CDH19: variants seen among roughly 807,000 people sequenced by gnomAD.
CDH19 encodes the protein cadherin 19.
CDH19 carries 67 observed loss-of-function variants against 64.2 expected under a neutral mutation model. The observed-to-expected ratio is 1.04, with a 90% CI of 0.86 to 1.28. The LOEUF (loss-of-function observed/expected upper bound fraction) is 1.28, where lower values mean the gene tolerates loss of function less well. Among genes scored for constraint, CDH19 ranks in the 50% most tolerant of loss-of-function variants. CDH19 has a pLI of 0.00. For synonymous variants in CDH19, 346 were observed against 319.3 expected (o/e 1.08, Z -0.89); for missense variants, 1,030 against 929.0 (o/e 1.11, Z -1.41).
intron 10 of CDH19, among the ~76,000 whole-genome samples, 153 bp downstream of exon 10, chr18:66,511,415 T>G (rs985645634): frequency 4.6e-5 from 7 of 151,696 alleles, no homozygotes; most frequent in Non-Finnish European, 4.4e-5. Context: ...TAACATTGAG[T>G]TTTGTTTTCC....
In CDH19 at chr18:66,505,292, A is replaced by T; in HGVS notation, c.1839T>A (p.Phe613Leu). ...ICIMIIFGFI[F>L]LTLGLKQRRK... Reference sequence around the variant, plus strand: ...TCCGTTGTTTTAAACCCAAAGTCAAAAAAATAAACCCTGATGAAGAAAGCA... The same window carrying T: ...TCCGTTGTTTTAAACCCAAAGTCAATAAAATAAACCCTGATGAAGAAAGCA... Residue 613 changes from phenylalanine (F) to leucine (L), a missense_variant, in exon 12 of 12, where the codon TTT becomes TTA. By Grantham distance (22) the Phe-to-Leu change is conservative. Transcript: ENST00000262150. The T allele has an allele frequency of 6.4e-7, 1 of 1,555,732 alleles. No individual in the cohort carries two copies. The highest frequency in any genetic ancestry group is 8.6e-7 in the Non-Finnish European group (1 of 1,157,462).
At position 66,503,997 on chromosome 18, in the gene CDH19, T is replaced by G. The variant is rs989091848; in HGVS notation, c.*815A>C. The G allele has an allele frequency of 5.9e-5, 9 of 152,094 alleles. No individual in the cohort carries two copies. The highest frequency in any genetic ancestry group is 1.7e-4 in the African/African-American group (7 of 41,558). The allele number at this position is 152,094 out of a possible 1,614,324, so 9.4% of individuals were successfully genotyped here. A position where few individuals can be genotyped will look rare whatever the true frequency, so the allele number is the denominator to read the frequency against. ...ACTTAACCACAAAAACATTTTATTC[T>G]TACAGTGTGAAAGATGAAAATTGAG... On this transcript the variant is annotated 3_prime_UTR_variant, in exon 12 of 12. Coordinates refer to ENST00000262150, the MANE Select transcript of CDH19 (RefSeq NM_021153.4).
intron 1 of CDH19, among the ~76,000 whole-genome samples, chr18:66,588,983 T>G (rs950239497): frequency 6.6e-6 from 1 of 151,706 alleles, no homozygotes; most frequent in East Asian, 1.9e-4. Context: ...AGAAAAAATT[T>G]AAAAAGTAAA....
chr18:66,555,213 T>C lies in CDH19; in HGVS notation c.491-689A>G, dbSNP rs140065290. 3.3e-4 allele frequency among the ~76,000 whole-genome samples: 50 copies of C among 151,942 alleles called. No homozygotes were observed. The East Asian group carries it at 8.7e-3, about 26-fold the overall frequency. On this transcript the variant is annotated intron_variant, in intron 3 of 11. Coordinates refer to ENST00000262150, the MANE Select transcript of CDH19 (RefSeq NM_021153.4). Reference sequence around the variant, plus strand: ...TTTTTAAAATATTTATTCAAAAATATTGAGTTTTCAAAGTATCTTTCTGTA... The same window carrying C: ...TTTTTAAAATATTTATTCAAAAATACTGAGTTTTCAAAGTATCTTTCTGTA...
At chr18:66,547,997 T>C (rs1235091015) in intron 5 of CDH19, among the ~76,000 whole-genome samples, 1 of 147,842 alleles carries the variant, frequency 6.8e-6, no homozygotes, top group East Asian at 1.9e-4. Flanking sequence ...TATATGTGTA[T>C]TATATATGTA....
intron 1 of CDH19, among the ~76,000 whole-genome samples, chr18:66,575,131 A>C (rs1226981153): frequency 2.0e-5 from 3 of 151,816 alleles, no homozygotes; most frequent in African/African-American, 7.2e-5. Context: ...ATGGAACAGC[A>C]CTCTAATTCA....
chr18:66,581,838 T>C (rs1228647019), intron 1 of CDH19, among the ~76,000 whole-genome samples: 1 of 152,098 alleles, frequency 6.6e-6, no homozygotes, highest in Non-Finnish European at 1.5e-5. Flanking sequence ...ATTCTCCTAA[T>C]AAACTCCCTT....
intron 1 of CDH19, among the ~76,000 whole-genome samples, chr18:66,579,859 T>C (rs537556331): frequency 3.3e-5 from 5 of 152,156 alleles, no homozygotes; most frequent in Admixed American, 6.6e-5. Flanking sequence ...TTTCTTGTTA[T>C]ATAAAAACAC....
In CDH19 at chr18:66,591,155, T is replaced by C. The variant is rs538291940; in HGVS notation, c.-113+12799A>G. On this transcript the variant is annotated intron_variant, in intron 1 of 11. Transcript: ENST00000262150. ...CAGCTGCAAGACGATTTAATAAATGTAACCTCTAGATCTTCTGGATAAATC... is the reference window on the plus strand; with the variant it reads ...CAGCTGCAAGACGATTTAATAAATGCAACCTCTAGATCTTCTGGATAAATC... Among the ~76,000 whole-genome samples, 200 of 152,064 alleles carry C rather than the reference T, an allele frequency of 1.3e-3. 1 individual carries two copies. Among genetic ancestry groups the C allele is most frequent in the African/African-American group, 4.3e-3 (180 of 41,556 alleles).
chr18:66,505,097 G>C lies in CDH19; in HGVS notation c.2034C>G (p.Ile678Met). The C allele has an allele frequency of 6.2e-7, 1 of 1,613,656 alleles. No individual in the cohort carries two copies. The highest frequency in any genetic ancestry group is 8.5e-7 in the Non-Finnish European group (1 of 1,179,762). Residue 678 changes from isoleucine to methionine, a missense_variant, in exon 12 of 12, where the codon ATC (isoleucine) becomes ATG (methionine). Ile to Met is a conservative substitution (Grantham distance 10). Coordinates refer to ENST00000262150, the MANE Select transcript of CDH19 (RefSeq NM_021153.4). Reference sequence around the variant, plus strand: ...GCAAAGACTGCCTGTATAGGCTCCTGATCTCAGCGCTTGTGGTTTTCCGAG... The same window carrying C: ...GCAAAGACTGCCTGTATAGGCTCCTCATCTCAGCGCTTGTGGTTTTCCGAG... Reference protein sequence around the residue: ...RKTRKTTSAEIRSLYRQSLQV... With the variant: ...RKTRKTTSAEMRSLYRQSLQV...
rs185337743 is a variant in CDH19 at position 66,530,876 on chromosome 18, A to C, written c.1337-910T>G. 2.6e-5 allele frequency among the ~76,000 whole-genome samples: 4 copies of C among 152,184 alleles called. No homozygotes were observed. The East Asian group carries it at 7.7e-4, about 29-fold the overall frequency. ...CCCTCCCATCCCAGTGTGTCAATCC[A>C]AACTGTATTCAGACATTGTCAATGT... is the stretch of plus-strand genomic sequence containing the variant. On this transcript the variant is annotated intron_variant, in intron 8 of 11. Coordinates refer to ENST00000262150, the MANE Select transcript of CDH19 (RefSeq NM_021153.4).
chr18:66,597,461 T>A (rs1485053893), intron 1 of CDH19, among the ~76,000 whole-genome samples: 2 of 152,008 alleles, frequency 1.3e-5, no homozygotes. Context: ...TCAGTACAGA[T>A]TAAATACTTA....
chr18:66,557,059 C>T (rs1055621513), intron 3 of CDH19, among the ~76,000 whole-genome samples: 1 of 151,940 alleles, frequency 6.6e-6, no homozygotes, highest in African/African-American at 2.4e-5. Context: ...AATCCCACTA[C>T]TGGGTATTTA....
chr18:66,560,663 T>C (rs1332410985), intron 3 of CDH19, among the ~76,000 whole-genome samples: 1 of 152,054 alleles, frequency 6.6e-6, no homozygotes, highest in Non-Finnish European at 1.5e-5. Flanking sequence ...TCTTTTTCAA[T>C]TTGTTAAACA....
chr18:66,568,839 T>TCC (rs1988008225), intron 2 of CDH19, 129 bp from the exon 3 acceptor site: 3 of 692,788 alleles, frequency 4.3e-6, no homozygotes, highest in Non-Finnish European at 7.0e-6. Flanking sequence ...CACATTACAT[T>TCC]AAATGAGGCA....
Position 66,543,975 on chromosome 18 carries a change from T to G in CDH19, c.1210A>C (p.Ile404Leu). Residue 404 changes from isoleucine to leucine, a missense_variant, in exon 7 of 12, where the codon ATC becomes CTC. Transcript: ENST00000262150. ...AAACTGACCTTACAGACATACCTGATAGGAGATTTCCTATTGTCTGGGTCT... is the reference window on the plus strand; with the variant it reads ...AAACTGACCTTACAGACATACCTGAGAGGAGATTTCCTATTGTCTGGGTCT... ...ATDPDNRKSP[I>L]RYSITRSKVF... 6.2e-7 allele frequency: 1 copy of G among 1,610,322 alleles called. No individual in the cohort carries two copies. The highest frequency in any genetic ancestry group is 8.5e-7 in the Non-Finnish European group (1 of 1,177,488).
At chr18:66,548,175 A>C in intron 5 of CDH19, among the ~76,000 whole-genome samples, 1 of 146,944 alleles carries the variant, frequency 6.8e-6, no homozygotes, top group Non-Finnish European at 1.5e-5. Flanking sequence ...AATATATACA[A>C]TGCACATTTA....
At chr18:66,589,492 G>A (rs1988680828) in intron 1 of CDH19, among the ~76,000 whole-genome samples, 1 of 151,838 alleles carries the variant, frequency 6.6e-6, no homozygotes. Flanking sequence ...TTTTGCTGAT[G>A]TTGTGATAGT....
chr18:66,591,006 T>A (rs1673416238), intron 1 of CDH19, among the ~76,000 whole-genome samples: 1 of 151,918 alleles, frequency 6.6e-6, no homozygotes, highest in Admixed American at 6.6e-5. Flanking sequence ...TCTCATTTTG[T>A]AACATTAAGT....
Sources: gnomAD v4.1 joint callset for allele counts (sites outside exome capture counted in the v4.1 genomes callset) on GRCh38, gnomAD v4.1.1 for gene constraint, MANE v1.5 for transcripts, NCBI Gene and HGNC (gene_info 2026-07-23, HGNC 2026-07-21) for gene names.